The following CSMD1 variants were observed in gnomAD, a reference collection of about 807,000 sequenced individuals.
CSMD1 encodes CUB and sushi domain-containing protein 1.
CSMD1 carries 213 observed loss-of-function variants against 417.5 expected under a neutral mutation model. The ratio of observed to expected loss-of-function variants is 0.51; its 90% CI spans 0.46 to 0.57. The LOEUF is 0.57. CSMD1 is among the 20% of genes least tolerant of loss of function. CSMD1 has a pLI of 0.00. For synonymous variants in CSMD1, 2,862 were observed against 1,736.8 expected, an observed-to-expected ratio of 1.65 and a Z score of -16.11; for missense variants, 6,923 against 4,529.7, an observed-to-expected ratio of 1.53 and a Z score of -15.17.
At position 3,450,203 on chromosome 8, in the gene CSMD1, C is replaced by T. The variant is rs184991437; in HGVS notation, c.1561+18509G>A. Among the ~76,000 whole-genome samples the T allele has an allele frequency of 2.0e-3, 309 of 152,316 alleles. 2 individuals carry two copies. In the Middle Eastern group the frequency reaches 0.031, roughly 15 times the overall value. ...GGCCTCCAGCCTCTGATAAGATGGG[C>T]CTTAACATCTCCGTTGACCAACTGA... On this transcript the variant is annotated intron_variant, in intron 12 of 69. Transcript: ENST00000635120.
Position 4,679,127 on chromosome 8 carries a change from G to C in CSMD1, c.86-41569C>G, listed in dbSNP as rs528596256. 3.0e-4 allele frequency among the ~76,000 whole-genome samples: 45 copies of C among 152,212 alleles called. No individual in the cohort carries two copies. The South Asian group carries it at 8.3e-3, about 28-fold the overall frequency. ...TGCGCAAGTTTCTTTTTCTGTCAAT[G>C]TACTTTCCCTTCTTGATATGGCCAA... is the stretch of plus-strand genomic sequence containing the variant. On this transcript the variant is annotated intron_variant, in intron 1 of 69. Coordinates refer to ENST00000635120, the MANE Select transcript of CSMD1 (RefSeq NM_033225.6).
chr8:3,868,990 G>A (rs746956919), intron 5 of CSMD1, among the ~76,000 whole-genome samples: 16 of 152,172 alleles, frequency 1.1e-4, no homozygotes, highest in African/African-American at 2.9e-4. Context: ...AGATGATGCC[G>A]ATGGCTTTCC....
chr8:3,944,136 G>A (rs572603420), intron 5 of CSMD1, among the ~76,000 whole-genome samples: 9 of 152,234 alleles, frequency 5.9e-5, no homozygotes, highest in Non-Finnish European at 1.2e-4. Flanking sequence ...GGGAATCTTA[G>A]TGAAGGCTAC....
At chr8:3,855,470 G>T (rs1033350447) in intron 5 of CSMD1, among the ~76,000 whole-genome samples, 1 of 152,146 alleles carries the variant, frequency 6.6e-6, no homozygotes, top group African/African-American at 2.4e-5. Context: ...ATGGTGAAAT[G>T]TGCTAGTTAT....
At chr8:4,814,232 GCA>G (rs1274276946) in intron 1 of CSMD1, among the ~76,000 whole-genome samples, 11 of 151,802 alleles carry the variant, frequency 7.2e-5, no homozygotes, top group African/African-American at 2.7e-4. Context: ...GTGCGTGTGC[GCA>G]TGTGCGCGTG....
Position 4,373,865 on chromosome 8 carries a change from TC to T in CSMD1, c.415+46087del, listed in dbSNP as rs1046000475. Among the ~76,000 whole-genome samples the T allele has an allele frequency of 5.3e-4, 80 of 152,326 alleles. 1 individual carries two copies. The highest frequency in any genetic ancestry group is 1.8e-3 in the African/African-American group (74 of 41,572). On this transcript the variant is annotated intron_variant, in intron 3 of 69. Transcript: ENST00000635120. The stretch of plus-strand genomic sequence containing the variant: ...TTTTCTATGTATATGTATAATTCTT[TC>T]TTTTGCTTTAACGCAGAAGCTGTTA...
At chr8:3,218,405 C>T (rs1027652449) in intron 29 of CSMD1, among the ~76,000 whole-genome samples, 2 of 150,972 alleles carry the variant, frequency 1.3e-5, no homozygotes, top group Non-Finnish European at 1.5e-5. Context: ...ACTAAAAATA[C>T]AAAAAATCAG....
intron 7 of CSMD1, among the ~76,000 whole-genome samples, chr8:3,630,046 C>T (rs1257541242): frequency 2.0e-5 from 2 of 101,142 alleles, no homozygotes; most frequent in South Asian, 3.4e-4. Context: ...CAAATGATTA[C>T]TTTTCTACAT....
intron 1 of CSMD1, among the ~76,000 whole-genome samples, chr8:4,778,413 C>T (rs1222616092): frequency 6.6e-6 from 1 of 152,166 alleles, no homozygotes; most frequent in African/African-American, 2.4e-5. Context: ...GATTCTAGAG[C>T]TCCGGTGGTA....
chr8:4,814,971 C>T (rs2117354239), intron 1 of CSMD1, among the ~76,000 whole-genome samples: 1 of 152,188 alleles, frequency 6.6e-6, no homozygotes, highest in African/African-American at 2.4e-5. Flanking sequence ...GATGGATCCT[C>T]ATATTTCATA....
chr8:3,722,805 G>A (rs1037595798), intron 6 of CSMD1, among the ~76,000 whole-genome samples: 2 of 152,172 alleles, frequency 1.3e-5, no homozygotes, highest in Non-Finnish European at 2.9e-5. Context: ...GTGTAACAAG[G>A]AACGATGCTG....
At chr8:3,303,452 G>C (rs1804569724) in intron 25 of CSMD1, among the ~76,000 whole-genome samples, 1 of 152,182 alleles carries the variant, frequency 6.6e-6, no homozygotes, top group Non-Finnish European at 1.5e-5. Flanking sequence ...GTCTGCATAG[G>C]AATGCTTTTG....
At chr8:4,365,670 C>G (rs1317105595) in intron 3 of CSMD1, among the ~76,000 whole-genome samples, 2 of 152,132 alleles carry the variant, frequency 1.3e-5, no homozygotes, top group African/African-American at 4.8e-5. Flanking sequence ...TGGTTAAAAC[C>G]TAAGGCAAAC....
intron 10 of CSMD1, among the ~76,000 whole-genome samples, chr8:3,535,090 G>A (rs762153137): frequency 1.3e-5 from 2 of 151,940 alleles, no homozygotes; most frequent in Non-Finnish European, 2.9e-5. Context: ...TGGGACTACA[G>A]GGTGTACCAA....
chr8:4,327,167 C>A (rs1209826040), intron 3 of CSMD1, among the ~76,000 whole-genome samples: 1 of 152,240 alleles, frequency 6.6e-6, no homozygotes, highest in Non-Finnish European at 1.5e-5. Context: ...ATGTTAGATA[C>A]ATTATTGTAT....
intron 33 of CSMD1, among the ~76,000 whole-genome samples, chr8:3,195,636 T>C (rs1282988581): frequency 6.6e-6 from 1 of 152,084 alleles, no homozygotes; most frequent in Non-Finnish European, 1.5e-5. Context: ...GTCCTGCCAG[T>C]CCCTGCTTGA....
At chr8:4,502,402 CAG>C (rs1010723616) in intron 2 of CSMD1, among the ~76,000 whole-genome samples, 1 of 152,244 alleles carries the variant, frequency 6.6e-6, no homozygotes, top group African/African-American at 2.4e-5. Flanking sequence ...ACAAAAAAGA[CAG>C]AGAGAACAAA....
At chr8:3,947,832 T>G (rs1205166402) in intron 5 of CSMD1, among the ~76,000 whole-genome samples, 3 of 152,204 alleles carry the variant, frequency 2.0e-5, no homozygotes, top group African/African-American at 7.2e-5. Context: ...TAGGTCACAT[T>G]TGTTAACAGG....
intron 31 of CSMD1, among the ~76,000 whole-genome samples, chr8:3,204,791 A>T (rs1166822193): frequency 6.6e-6 from 1 of 152,174 alleles, no homozygotes; most frequent in African/African-American, 2.4e-5. Context: ...CAATTTTCCT[A>T]TTGGAAAGAG....
Sources: gnomAD v4.1 joint callset for allele counts (sites outside exome capture counted in the v4.1 genomes callset) on GRCh38, gnomAD v4.1.1 for gene constraint, MANE v1.5 for transcripts, NCBI Gene and HGNC (gene_info 2026-07-23, HGNC 2026-07-21) for gene names.